The following HMCN1 variants were observed in gnomAD, a reference collection of about 807,000 sequenced individuals.
HMCN1 encodes hemicentin 1, also known as hemicentin-1.
In HMCN1, 321 loss-of-function variants were observed where a neutral mutation model predicts 625.9. The ratio of observed to expected loss-of-function variants is 0.51; its 90% CI spans 0.47 to 0.56. The LOEUF is 0.56. HMCN1 is among the 20% of genes least tolerant of loss of function. The pLI, the probability that HMCN1 is intolerant of heterozygous loss-of-function variation, is 0.00. For synonymous variants in HMCN1, 2,425 were observed against 2,417.6 expected, an observed-to-expected ratio of 1.00 and a Z score of -0.09; for missense variants, 6,588 against 6,887.3, an observed-to-expected ratio of 0.96 and a Z score of 1.54.
chr1:186,001,326 A>G lies in HMCN1; in HGVS notation c.4098A>G (p.Gln1366=), dbSNP rs1558132068. Residue 1366 remains glutamine (Q), a synonymous_variant, in exon 27 of 107, where the codon CAA becomes CAG. Coordinates refer to ENST00000271588, the MANE Select transcript of HMCN1 (RefSeq NM_031935.3). ...HVPPVIKDKE[Q]VTNVSVLLNQ... ...CTCCAGTAATTAAAGATAAAGAACA[A>G]GTTACAAATGTGTCGGTGTTGTTAA... 7 of 1,612,008 alleles carry G rather than the reference A, an allele frequency of 4.3e-6. No individual in the cohort carries two copies. The highest frequency in any genetic ancestry group is 5.9e-6 in the Non-Finnish European group (7 of 1,178,520).
intron 1 of HMCN1, among the ~76,000 whole-genome samples, chr1:185,840,597 A>G (rs962678014): frequency 1.3e-5 from 2 of 152,164 alleles, no homozygotes; most frequent in African/African-American, 2.4e-5. Context: ...CTCTTTGGAC[A>G]CAGAAAATTT....
At chr1:185,840,760 A>G (rs926954231) in intron 1 of HMCN1, among the ~76,000 whole-genome samples, 4 of 152,168 alleles carry the variant, frequency 2.6e-5, no homozygotes, top group African/African-American at 7.2e-5. Context: ...CCTTGAAAAT[A>G]TTGATTAGTT....
At chr1:185,770,185 TAGAG>T (rs1180064846) in intron 1 of HMCN1, among the ~76,000 whole-genome samples, 1 of 152,134 alleles carries the variant, frequency 6.6e-6, no homozygotes, top group Non-Finnish European at 1.5e-5. Context: ...CCACTCTCTA[TAGAG>T]AAAGGACTGA....
intron 1 of HMCN1, among the ~76,000 whole-genome samples, chr1:185,773,972 G>A (rs1461332480): frequency 2.6e-5 from 4 of 152,080 alleles, no homozygotes; most frequent in Non-Finnish European, 5.9e-5. Context: ...TGTAATGAAA[G>A]ACTTGTTAAA....
chr1:186,046,972 T>A (rs1420639062), intron 41 of HMCN1, among the ~76,000 whole-genome samples: 2 of 152,106 alleles, frequency 1.3e-5, no homozygotes, highest in East Asian at 3.9e-4. Flanking sequence ...ACCCAGACTA[T>A]GGCTTCAGAA....
At chr1:186,115,540 T>G in intron 75 of HMCN1, 126 bp downstream of exon 75, 1 of 896,478 alleles carries the variant, frequency 1.1e-6, no homozygotes, top group Non-Finnish European at 1.7e-6. Flanking sequence ...ATAGAGGGTT[T>G]TTTTCCTTAA....
At chr1:186,157,234 A>AATT (rs1651082780) in intron 97 of HMCN1, among the ~76,000 whole-genome samples, 3 of 152,218 alleles carry the variant, frequency 2.0e-5, no homozygotes, top group Admixed American at 6.5e-5. Context: ...AGACTACCAG[A>AATT]ATTTTATGCT....
chr1:185,923,401 T>C lies in HMCN1; in HGVS notation c.1033T>C (p.Tyr345His). 6.2e-7 allele frequency: 1 copy of C among 1,609,446 alleles called. No individual in the cohort carries two copies. Among genetic ancestry groups the C allele is most frequent in the Non-Finnish European group, 8.5e-7 (1 of 1,176,628 alleles). Residue 345 changes from tyrosine (Y) to histidine (H), a missense_variant, in exon 8 of 107, where the codon TAT (tyrosine) becomes CAT (histidine). By Grantham distance (83) the Tyr-to-His change is moderately conservative. Coordinates refer to ENST00000271588, the MANE Select transcript of HMCN1 (RefSeq NM_031935.3). ...VSRPVQGIPTYVLLNTSGIST... is the reference protein window; with the variant it reads ...VSRPVQGIPTHVLLNTSGIST... ...TCTTTCTCTTGTAGGAATACCTACC[T>C]ATGTACTGCTCAATACTTCTGGAAT...
At chr1:186,077,641 A>C (rs1239747264) in intron 54 of HMCN1, among the ~76,000 whole-genome samples, 1 of 152,214 alleles carries the variant, frequency 6.6e-6, no homozygotes, top group Non-Finnish European at 1.5e-5. Context: ...ATTTGAAATT[A>C]TATCTACATG....
intron 1 of HMCN1, among the ~76,000 whole-genome samples, chr1:185,763,498 A>G (rs1185525499): frequency 6.6e-6 from 1 of 152,194 alleles, no homozygotes; most frequent in Non-Finnish European, 1.5e-5. Context: ...GGTTCCTTAT[A>G]TTAATTAGCT....
intron 4 of HMCN1, among the ~76,000 whole-genome samples, chr1:185,889,310 C>T (rs1558042281): frequency 7.0e-6 from 1 of 142,848 alleles, no homozygotes; most frequent in Non-Finnish European, 1.5e-5. Context: ...TTTCCTTCTC[C>T]TGCCTAATTG....
chr1:185,780,776 C>A (rs1029084870), intron 1 of HMCN1, among the ~76,000 whole-genome samples: 2 of 152,080 alleles, frequency 1.3e-5, no homozygotes, highest in Admixed American at 6.6e-5. Flanking sequence ...ATTTTTGCAT[C>A]GATGTTGATC....
chr1:185,860,059 A>G (rs960362477), intron 2 of HMCN1, among the ~76,000 whole-genome samples: 2 of 152,114 alleles, frequency 1.3e-5, no homozygotes, highest in Non-Finnish European at 2.9e-5. Context: ...TAACAAGATA[A>G]TACTGTATGT....
At chr1:185,960,241 G>A (rs967959378) in intron 11 of HMCN1, among the ~76,000 whole-genome samples, 1 of 148,066 alleles carries the variant, frequency 6.8e-6, no homozygotes, top group Non-Finnish European at 1.5e-5. Flanking sequence ...CAATTCTCCT[G>A]CCTCAGCCTC....
chr1:185,871,220 C>T lies in HMCN1; in HGVS notation c.621+5357C>T, dbSNP rs371808464. ...CTCCAGCCTGGGCGACAGAGAGAGACTCCGTCTCAAAAAAAAAAAAAAAAA... is the reference window on the plus strand; with the variant it reads ...CTCCAGCCTGGGCGACAGAGAGAGATTCCGTCTCAAAAAAAAAAAAAAAAA... On this transcript the variant is annotated intron_variant, in intron 4 of 106. Transcript: ENST00000271588. Among the ~76,000 whole-genome samples the T allele has an allele frequency of 3.5e-3, 509 of 144,234 alleles. 1 individual carries two copies. The highest frequency in any genetic ancestry group is 0.025 in the Middle Eastern group (7 of 284). 94.6% of individuals were successfully genotyped at this position (144,234 alleles called of 152,430 possible).
At chr1:186,135,934 G>T (rs1011552325) in intron 86 of HMCN1, among the ~76,000 whole-genome samples, 17 of 152,126 alleles carry the variant, frequency 1.1e-4, no homozygotes, top group African/African-American at 3.1e-4. Context: ...TTCTCTATAT[G>T]CTCTCAGCAT....
chr1:186,117,877 C>T (rs180921723), intron 77 of HMCN1, among the ~76,000 whole-genome samples: 29 of 152,134 alleles, frequency 1.9e-4, no homozygotes, highest in African/African-American at 5.3e-4. Flanking sequence ...ACATGATCAC[C>T]GGTATTTATG....
At chr1:186,184,470 A>G (rs1028288233) in intron 105 of HMCN1, among the ~76,000 whole-genome samples, 8 of 152,342 alleles carry the variant, frequency 5.3e-5, no homozygotes, top group African/African-American at 1.9e-4. Context: ...CTGCAAAATA[A>G]ACAAAAAGCA....
At chr1:185,985,811 T>C (rs939251043) in intron 19 of HMCN1, among the ~76,000 whole-genome samples, 1 of 152,170 alleles carries the variant, frequency 6.6e-6, no homozygotes, top group Non-Finnish European at 1.5e-5. Flanking sequence ...TTTTTAAGAA[T>C]ACTCATTAAA....
Sources: allele counts gnomAD v4.1 joint callset (sites outside exome capture counted in the v4.1 genomes callset), GRCh38; gene constraint gnomAD v4.1.1; transcripts MANE v1.5; gene names NCBI Gene and HGNC (gene_info 2026-07-23, HGNC 2026-07-21).